Variants in ELFN1 observed in about 807,000 individuals in gnomAD.
ELFN1 encodes extracellular leucine rich repeat and fibronectin type III domain containing 1, also known as protein ELFN1.
A neutral mutation model predicts 7.6 loss-of-function variants in ELFN1; 6 were observed. The ratio of observed to expected loss-of-function variants is 0.79; its 90% CI spans 0.43 to 1.56. The LOEUF (loss-of-function observed/expected upper bound fraction) is 1.56. Among genes scored for constraint, ELFN1 ranks in the 40% most tolerant of loss-of-function variants. The probability of loss-of-function intolerance (pLI) is 0.01; values close to 1 mark genes in which losing one functional copy is unlikely to be tolerated. For synonymous variants in ELFN1, 657 were observed against 588.1 expected, an observed-to-expected ratio of 1.12 and a Z score of -1.70; for missense variants, 1,169 against 1,232.2, an observed-to-expected ratio of 0.95 and a Z score of 0.77.
intron 2 of ELFN1, chr7:1,693,062 G>T: frequency 3.1e-6 from 1 of 318,666 alleles, no homozygotes; most frequent in South Asian, 2.7e-5. Flanking sequence ...TGTGAACAAG[G>T]CTGTGAGGAT....
Position 1,695,075 on chromosome 7 carries a change from C to T in ELFN1, c.-456+6925C>T, listed in dbSNP as rs770847337. Among the ~76,000 whole-genome samples the T allele has an allele frequency of 6.6e-5, 10 of 152,082 alleles. No homozygotes were observed. Among genetic ancestry groups the T allele is most frequent in the African/African-American group, 1.7e-4 (7 of 41,352 alleles). ...CCCTCACTTTGAGTTACGCTGCAGA[C>T]GGCTCCGGATGCACGTGGCTGTGCC... On this transcript the variant is annotated intron_variant, in intron 2 of 3. Coordinates refer to ENST00000424383, the MANE Select transcript of ELFN1 (RefSeq NM_001128636.4). This position sits in a 1 kb window ranked among gnomAD's most constrained non-coding sequence, Gnocchi z 5.1.
In ELFN1 at chr7:1,735,048, C is replaced by T. The variant is rs1304774478; in HGVS notation, c.-293-9256C>T. 1.3e-5 allele frequency among the ~76,000 whole-genome samples: 2 copies of T among 152,148 alleles called. No individual in the cohort carries two copies. The highest frequency in any genetic ancestry group is 2.9e-5 in the Non-Finnish European group (2 of 68,032). On this transcript the variant is annotated intron_variant, in intron 3 of 3. Coordinates refer to ENST00000424383, the MANE Select transcript of ELFN1 (RefSeq NM_001128636.4). This position sits in a 1 kb window ranked among gnomAD's most constrained non-coding sequence, Gnocchi z 5.9. ...GAGTGCTGTTGCCGCCTTCCTGGGC[C>T]TTGCCGTGGGGGAGTCTCAACTTCC...
intron 1 of ELFN1, among the ~76,000 whole-genome samples, chr7:1,675,784 C>T (rs1169383494): frequency 6.6e-6 from 1 of 152,208 alleles, no homozygotes; most frequent in African/African-American, 2.4e-5. Flanking sequence ...TTCACAGTCC[C>T]GCGCTGTCGA....
At chr7:1,682,111 T>C (rs573148253) in intron 1 of ELFN1, among the ~76,000 whole-genome samples, 1 of 152,342 alleles carries the variant, frequency 6.6e-6, no homozygotes, top group East Asian at 1.9e-4. Context: ...TTTTAACTTA[T>C]TATAAAGTCC....
At chr7:1,690,766 T>C (rs1214096463) in intron 2 of ELFN1, among the ~76,000 whole-genome samples, 1 of 150,744 alleles carries the variant, frequency 6.6e-6, no homozygotes, top group Non-Finnish European at 1.5e-5. Flanking sequence ...GGTGGGTGGA[T>C]GGATGGATGG....
rs1202625471 is a variant in ELFN1 at position 1,673,468 on chromosome 7, G to A, written c.-549+3114G>A. Among the ~76,000 whole-genome samples, 3 of 152,094 alleles carry A rather than the reference G, an allele frequency of 2.0e-5. No homozygotes were observed. The highest frequency in any genetic ancestry group is 1.9e-4 in the East Asian group (1 of 5,170). On this transcript the variant is annotated intron_variant, in intron 1 of 3. Transcript: ENST00000424383. This position sits in a 1 kb window ranked among gnomAD's most constrained non-coding sequence, Gnocchi z 4.7. ...AGCAGGGTGGCAGCTATGGGCACTC[G>A]AGCCCAGCACCGTGCCCCCCCTCCC... is the stretch of plus-strand genomic sequence containing the variant.
At position 1,709,085 on chromosome 7, in the gene ELFN1, G is replaced by C. The variant is rs1398083468; in HGVS notation, c.-455-6G>C. 1 of 152,258 alleles carries C rather than the reference G, an allele frequency of 6.6e-6. No individual in the cohort carries two copies. The highest frequency in any genetic ancestry group is 1.5e-5 in the Non-Finnish European group (1 of 68,072). The allele number at this position is 152,258 out of a possible 1,614,324, so 9.4% of individuals were successfully genotyped here. A position where few individuals can be genotyped will look rare whatever the true frequency, so the allele number is the denominator to read the frequency against. On this transcript the variant is annotated splice_polypyrimidine_tract_variant and splice_region_variant and intron_variant, in intron 2 of 3. Coordinates refer to ENST00000424383, the MANE Select transcript of ELFN1 (RefSeq NM_001128636.4). ...CCTCAACCTCCTCCCCTCTGTCTCT[G>C]TGCAGGTGCAGCTGCCTTGGCGACC...
intron 2 of ELFN1, chr7:1,691,962 C>A (rs971470883): frequency 6.6e-6 from 1 of 152,264 alleles, no homozygotes; most frequent in Non-Finnish European, 1.5e-5. Context: ...CAATGTCTGC[C>A]TGCCAAGGCC....
intron 3 of ELFN1, among the ~76,000 whole-genome samples, chr7:1,736,558 C>A (rs868407626): frequency 6.6e-6 from 1 of 152,226 alleles, no homozygotes; most frequent in Admixed American, 6.5e-5. Context: ...AACTTGGTGC[C>A]CACCTCACAC....
chr7:1,691,846 C>T (rs1300187066), intron 2 of ELFN1: 1 of 152,406 alleles, frequency 6.6e-6, no homozygotes, highest in Admixed American at 6.5e-5. Flanking sequence ...TGGACCTTCA[C>T]AGCTCATTAA....
intron 2 of ELFN1, 103 bp downstream of exon 2, chr7:1,688,253 A>C (rs558660103): frequency 1.3e-5 from 2 of 152,196 alleles, no homozygotes; most frequent in Non-Finnish European, 2.9e-5. Context: ...TTTTGATTAC[A>C]TATGTTGAAA....
At chr7:1,734,118 A>G (rs1261154986) in intron 3 of ELFN1, among the ~76,000 whole-genome samples, 1 of 152,202 alleles carries the variant, frequency 6.6e-6, no homozygotes, top group Non-Finnish European at 1.5e-5. Flanking sequence ...CAGACTAAAG[A>G]TAGAACTTCC....
intron 2 of ELFN1, among the ~76,000 whole-genome samples, chr7:1,704,105 T>C (rs1779482088): frequency 6.6e-6 from 1 of 152,208 alleles, no homozygotes; most frequent in Non-Finnish European, 1.5e-5. Context: ...AGTCAGCCCA[T>C]GGGAGGGCCT....
At chr7:1,687,045 CCT>C (rs903022015) in intron 1 of ELFN1, among the ~76,000 whole-genome samples, 1 of 151,698 alleles carries the variant, frequency 6.6e-6, no homozygotes, top group Non-Finnish European at 1.5e-5. Flanking sequence ...AAAATCAGCC[CCT>C]GACAGCAAAG....
chr7:1,707,533 C>T (rs962535461), intron 2 of ELFN1, among the ~76,000 whole-genome samples: 1 of 152,116 alleles, frequency 6.6e-6, no homozygotes, highest in Non-Finnish European at 1.5e-5. Flanking sequence ...CAGGACCAAG[C>T]AAAGGAAGCA....
intron 3 of ELFN1, among the ~76,000 whole-genome samples, chr7:1,736,317 GA>G (rs1471964848): frequency 6.6e-6 from 1 of 152,152 alleles, no homozygotes; most frequent in East Asian, 1.9e-4. Flanking sequence ...CCTGGAGCTG[GA>G]AACTTCGCTC....
At chr7:1,703,896 G>C (rs754134866) in intron 2 of ELFN1, among the ~76,000 whole-genome samples, 13 of 152,216 alleles carry the variant, frequency 8.5e-5, no homozygotes, top group Non-Finnish European at 1.9e-4. Flanking sequence ...TGTCCTGTAA[G>C]GGCTGTCGCC....
chr7:1,671,368 C>T (rs1778763458), intron 1 of ELFN1, among the ~76,000 whole-genome samples: 1 of 152,160 alleles, frequency 6.6e-6, no homozygotes. Flanking sequence ...GTGTGCACGT[C>T]CTCAAAAAGC....
chr7:1,746,080 C>T lies in ELFN1; in HGVS notation c.1484C>T (p.Thr495Met), dbSNP rs1189826652. The T allele has an allele frequency of 1.7e-5, 26 of 1,547,034 alleles. No homozygotes were observed. Among genetic ancestry groups the T allele is most frequent in the Middle Eastern group, 1.7e-4 (1 of 6,010 alleles). Residue 495 changes from threonine to methionine, a missense_variant, in exon 4 of 4, where the codon ACG (threonine) becomes ATG (methionine). Physicochemically the swap from Thr to Met is moderately conservative, Grantham distance 81. Transcript: ENST00000424383. ...CCGCTGCTGGGCCCCGAGGCCGTGACGCGCATCCCTTACCTGCCTGCGGCC... is the reference window on the plus strand; with the variant it reads ...CCGCTGCTGGGCCCCGAGGCCGTGATGCGCATCCCTTACCTGCCTGCGGCC... Reference protein sequence around the residue: ...QGPLLGPEAVTRIPYLPAAGE... With the variant: ...QGPLLGPEAVMRIPYLPAAGE...
Sources: gnomAD v4.1 joint callset for allele counts (sites outside exome capture counted in the v4.1 genomes callset) on GRCh38, gnomAD v4.1.1 for gene constraint, Gnocchi (gnomAD v3.1) non-coding constraint, MANE v1.5 for transcripts, NCBI Gene and HGNC (gene_info 2026-07-23, HGNC 2026-07-21) for gene names.